The following XRCC5 variants were observed in gnomAD, a reference collection of about 807,000 sequenced individuals.
The protein encoded by XRCC5 is DNA repair protein Ku80.
Under a neutral mutation model 95.7 loss-of-function variants are expected in XRCC5, and 12 were observed. The ratio of observed to expected loss-of-function variants is 0.13; its 90% CI spans 0.08 to 0.20. The LOEUF is 0.20. XRCC5 is among the 10% of genes least tolerant of loss of function. The pLI is 1.00. For missense variants in XRCC5, 595 were observed against 873.9 expected (o/e 0.68, Z 4.02); for synonymous variants, 281 against 290.3 (o/e 0.97, Z 0.33).
At chr2:216,139,807 C>T (rs1035863118) in intron 12 of XRCC5, among the ~76,000 whole-genome samples, 2 of 152,076 alleles carry the variant, frequency 1.3e-5, no homozygotes, top group Admixed American at 6.6e-5. Flanking sequence ...CACGTCCAGC[C>T]CAGAATATTT....
chr2:216,187,540 A>G (rs1017468333), intron 16 of XRCC5, among the ~76,000 whole-genome samples: 13 of 144,064 alleles, frequency 9.0e-5, no homozygotes, highest in African/African-American at 3.1e-4. Flanking sequence ...ATTTCAGGAT[A>G]AAATGAGTCA....
chr2:216,120,905 T>G (rs944386365), intron 5 of XRCC5, among the ~76,000 whole-genome samples: 8 of 152,102 alleles, frequency 5.3e-5, no homozygotes, highest in African/African-American at 1.9e-4. Context: ...CCGGCTAATA[T>G]TTGTATTTTT....
Position 216,113,030 on chromosome 2 carries a change from G to T in XRCC5, c.36G>T (p.Leu12=). The T allele has an allele frequency of 6.2e-7, 1 of 1,613,944 alleles. No homozygotes were observed. The highest frequency in any genetic ancestry group is 8.5e-7 in the Non-Finnish European group (1 of 1,179,896). Residue 12 remains leucine, a synonymous_variant, in exon 2 of 21, where the codon CTG becomes CTT. Transcript: ENST00000392132. ...VRSGNKAAVV[L]CMDVGFTMSN... ...TTTGTTTCCAGGCAGCTGTTGTGCT[G>T]TGTATGGACGTGGGCTTTACCATGA... is the stretch of plus-strand genomic sequence containing the variant.
intron 16 of XRCC5, chr2:216,175,065 A>G (rs1689248016): frequency 6.3e-6 from 2 of 315,344 alleles, no homozygotes; most frequent in Admixed American, 3.6e-5. Context: ...CACCACCACC[A>G]TAGTTACCAC....
chr2:216,150,639 C>G (rs947903714), intron 14 of XRCC5, among the ~76,000 whole-genome samples: 16 of 152,134 alleles, frequency 1.1e-4, no homozygotes, highest in Non-Finnish European at 1.9e-4. Flanking sequence ...TGATAGATGC[C>G]TAGGGAGGCT....
At chr2:216,203,251 G>T (rs1270661100) in intron 19 of XRCC5, among the ~76,000 whole-genome samples, 1 of 152,096 alleles carries the variant, frequency 6.6e-6, no homozygotes, top group East Asian at 1.9e-4. Context: ...AGTCAGTTGT[G>T]GTACCATAAC....
At chr2:216,122,583 G>A (rs2106004257) in intron 6 of XRCC5, among the ~76,000 whole-genome samples, 1 of 150,850 alleles carries the variant, frequency 6.6e-6, no homozygotes, top group East Asian at 1.9e-4. Context: ...CATTTTTTGG[G>A]CCCTTTTTTT....
rs112804199 is a variant in XRCC5 at position 216,165,893 on chromosome 2, C to T, written c.1834+3845C>T. ...ACTGAGAGTCTTGTGATTCTGTCCC[C>T]GACATCAGCAGTCTATATATAGTAG... On this transcript the variant is annotated intron_variant, in intron 16 of 20. Coordinates refer to ENST00000392132, the MANE Select transcript of XRCC5 (RefSeq NM_021141.4). Among the ~76,000 whole-genome samples, 412 of 152,144 alleles carry T rather than the reference C, an allele frequency of 2.7e-3. 1 individual carries two copies. Among genetic ancestry groups the T allele is most frequent in the Non-Finnish European group, 4.3e-3 (289 of 67,998 alleles).
intron 16 of XRCC5, among the ~76,000 whole-genome samples, chr2:216,189,430 C>T (rs561407831): frequency 2.9e-4 from 44 of 152,320 alleles, no homozygotes; most frequent in Admixed American, 2.0e-3. Flanking sequence ...CATTAAGTTT[C>T]CTCATGACTT....
At chr2:216,199,003 CT>C (rs1689785923) in intron 19 of XRCC5, among the ~76,000 whole-genome samples, 1 of 152,206 alleles carries the variant, frequency 6.6e-6, no homozygotes, top group Non-Finnish European at 1.5e-5. Flanking sequence ...AAGAGACATG[CT>C]TTAGCTATTT....
At chr2:216,193,583 C>A (rs1345733850) in intron 18 of XRCC5, among the ~76,000 whole-genome samples, 2 of 152,150 alleles carry the variant, frequency 1.3e-5, no homozygotes, top group Non-Finnish European at 2.9e-5. Flanking sequence ...AACTTCTGCA[C>A]TGGAGAACAA....
intron 16 of XRCC5, among the ~76,000 whole-genome samples, chr2:216,163,751 G>C (rs1014177753): frequency 1.3e-5 from 2 of 152,218 alleles, no homozygotes; most frequent in Non-Finnish European, 2.9e-5. Flanking sequence ...CTCAGAGAGA[G>C]CTTACAGTCT....
At chr2:216,112,230 T>A (rs41296920) in intron 1 of XRCC5, among the ~76,000 whole-genome samples, 320 of 152,328 alleles carry the variant, frequency 2.1e-3, no homozygotes, top group African/African-American at 7.3e-3. Flanking sequence ...GGCTTGTGCC[T>A]TAGCTTATGT....
chr2:216,172,704 G>C (rs1002677506), intron 16 of XRCC5, among the ~76,000 whole-genome samples: 5 of 152,050 alleles, frequency 3.3e-5, no homozygotes, highest in Non-Finnish European at 5.9e-5. Context: ...CCTGACCTGA[G>C]GTGATCAACC....
chr2:216,111,461 C>G, intron 1 of XRCC5: 1 of 438,658 alleles, frequency 2.3e-6, no homozygotes, highest in Non-Finnish European at 4.6e-6. Flanking sequence ...GAGATGGAGG[C>G]AGTAGTGAGC....
At chr2:216,198,214 G>A (rs1387444700) in intron 19 of XRCC5, among the ~76,000 whole-genome samples, 4 of 152,220 alleles carry the variant, frequency 2.6e-5, no homozygotes, top group African/African-American at 9.6e-5. Flanking sequence ...ATTAAGTTTT[G>A]TGAATGGAAT....
At chr2:216,185,649 G>T (rs1164642747) in intron 16 of XRCC5, among the ~76,000 whole-genome samples, 1 of 150,932 alleles carries the variant, frequency 6.6e-6, no homozygotes, top group African/African-American at 2.4e-5. Flanking sequence ...ATTGTCATTG[G>T]CTACATAAAT....
chr2:216,141,480 A>T (rs1470096275), intron 13 of XRCC5, among the ~76,000 whole-genome samples, 161 bp downstream of exon 13: 3 of 152,000 alleles, frequency 2.0e-5, no homozygotes, highest in Non-Finnish European at 2.9e-5. Flanking sequence ...CTACTTCAGA[A>T]GGTAAAAATA....
chr2:216,121,532 T>A (rs1262398344), intron 5 of XRCC5, among the ~76,000 whole-genome samples: 1 of 152,058 alleles, frequency 6.6e-6, no homozygotes, highest in Non-Finnish European at 1.5e-5. Flanking sequence ...AAGGCAAAAA[T>A]GGCAAAAAGC....
Sources: gnomAD v4.1 joint callset for allele counts (sites outside exome capture counted in the v4.1 genomes callset) on GRCh38, gnomAD v4.1.1 for gene constraint, MANE v1.5 for transcripts, NCBI Gene and HGNC (gene_info 2026-07-23, HGNC 2026-07-21) for gene names.